Variants in ARF4 observed in about 807,000 individuals in gnomAD.
ARF4 encodes ADP-ribosylation factor 4.
Under a neutral mutation model 24.3 loss-of-function variants are expected in ARF4, and 5 were observed. The ratio of observed to expected loss-of-function variants is 0.21; its 90% CI spans 0.11 to 0.43. ARF4 has a LOEUF of 0.43. Ranked by LOEUF, ARF4 falls within the 20% of genes least tolerant of loss-of-function variation. The pLI is 1.00. For missense variants in ARF4, 107 were observed against 213.0 expected (o/e 0.50, Z 3.10); for synonymous variants, 62 against 73.5 (o/e 0.84, Z 0.80).
At chr3:57,583,376 C>A (rs752949977) in intron 3 of ARF4, among the ~76,000 whole-genome samples, 1 of 152,054 alleles carries the variant, frequency 6.6e-6, no homozygotes, top group African/African-American at 2.4e-5. Flanking sequence ...TACGTGCCAC[C>A]CCCAAATTTG....
intron 5 of ARF4, among the ~76,000 whole-genome samples, chr3:57,573,077 C>T (rs2069859568): frequency 6.6e-6 from 1 of 151,754 alleles, no homozygotes; most frequent in East Asian, 1.9e-4. Context: ...TGGTGGGCGC[C>T]TGTAGTCCCA....
intron 3 of ARF4, among the ~76,000 whole-genome samples, chr3:57,578,654 A>AT (rs879516546): frequency 2.4e-4 from 36 of 151,968 alleles, no homozygotes; most frequent in Middle Eastern, 3.4e-3. Flanking sequence ...TAATTTTTCT[A>AT]TTTTTTGTAG....
intron 5 of ARF4, among the ~76,000 whole-genome samples, chr3:57,574,368 GA>G (rs1320781647): frequency 7.9e-5 from 12 of 151,250 alleles, no homozygotes; most frequent in Non-Finnish European, 1.5e-4. Flanking sequence ...CTCCATCACT[GA>G]ATCACTGATC....
intron 5 of ARF4, among the ~76,000 whole-genome samples, chr3:57,573,933 G>GTTTT (rs201397852): frequency 5.5e-5 from 8 of 146,544 alleles, no homozygotes; most frequent in Admixed American, 4.1e-4. Flanking sequence ...GCAATAGGTT[G>GTTTT]TTTTTTTTTG....
At chr3:57,584,737 C>A (rs899680600) in intron 1 of ARF4, among the ~76,000 whole-genome samples, 3 of 152,064 alleles carry the variant, frequency 2.0e-5, no homozygotes, top group African/African-American at 7.2e-5. Flanking sequence ...AGCTTTGCGA[C>A]AAACTAGTTG....
intron 1 of ARF4, among the ~76,000 whole-genome samples, chr3:57,595,030 G>C (rs1389327890): frequency 6.6e-6 from 1 of 152,164 alleles, no homozygotes; most frequent in African/African-American, 2.4e-5. Context: ...TAGCATGCCT[G>C]AGTAATAAAA....
intron 1 of ARF4, among the ~76,000 whole-genome samples, chr3:57,584,857 G>C (rs1256109201): frequency 1.3e-5 from 2 of 151,834 alleles, no homozygotes; most frequent in Non-Finnish European, 2.9e-5. Flanking sequence ...GCATTTTTTG[G>C]GGGGTGGAGG....
At chr3:57,580,288 T>C (rs1429509248) in intron 3 of ARF4, among the ~76,000 whole-genome samples, 1 of 152,160 alleles carries the variant, frequency 6.6e-6, no homozygotes, top group Non-Finnish European at 1.5e-5. Flanking sequence ...CACAGAGATA[T>C]AAAAGATCAT....
chr3:57,594,622 G>A (rs1441832908), intron 1 of ARF4, among the ~76,000 whole-genome samples: 1 of 152,150 alleles, frequency 6.6e-6, no homozygotes, highest in Non-Finnish European at 1.5e-5. Context: ...CTTCTCCATA[G>A]TAGTTTGGCA....
intron 3 of ARF4, among the ~76,000 whole-genome samples, chr3:57,579,573 C>T (rs1217252596): frequency 6.6e-6 from 1 of 152,076 alleles, no homozygotes; most frequent in Non-Finnish European, 1.5e-5. Flanking sequence ...CAGGTGTGAG[C>T]CACCGCGCCC....
chr3:57,592,808 C>A (rs1316759951), intron 1 of ARF4, among the ~76,000 whole-genome samples: 7 of 152,024 alleles, frequency 4.6e-5, no homozygotes. Context: ...TATGTTCAAC[C>A]AATAACCTGA....
intron 1 of ARF4, among the ~76,000 whole-genome samples, chr3:57,591,802 A>C (rs111557990): frequency 2.6e-5 from 4 of 152,320 alleles, no homozygotes; most frequent in African/African-American, 9.6e-5. Context: ...GCCAAGTGAA[A>C]AAAGCCAGAC....
At chr3:57,573,239 G>C (rs998984091) in intron 5 of ARF4, among the ~76,000 whole-genome samples, 21 of 151,514 alleles carry the variant, frequency 1.4e-4, no homozygotes, top group African/African-American at 5.1e-4. Context: ...AGTAGGGTTT[G>C]TTGATATTTT....
intron 1 of ARF4, among the ~76,000 whole-genome samples, chr3:57,586,225 G>C (rs1399143606): frequency 6.6e-6 from 1 of 151,936 alleles, no homozygotes; most frequent in Non-Finnish European, 1.5e-5. Flanking sequence ...TGGCCGCCTG[G>C]GTTTATCTTA....
At chr3:57,592,410 C>G (rs2070126727) in intron 1 of ARF4, among the ~76,000 whole-genome samples, 1 of 152,042 alleles carries the variant, frequency 6.6e-6, no homozygotes, top group African/African-American at 2.4e-5. Context: ...ATTGCTTGAA[C>G]CCAGGAGGCG....
Position 57,579,233 on chromosome 3 carries a change from GAC to G in ARF4, c.259-1848_259-1847del, listed in dbSNP as rs746234815. Among the ~76,000 whole-genome samples the G allele has an allele frequency of 3.7e-5, 3 of 81,128 alleles. No individual in the cohort carries two copies. In the Admixed American group the frequency reaches 6.4e-4, roughly 17 times the overall value. The allele number at this position is 81,128 out of a possible 152,430, so 53.2% of individuals were successfully genotyped here. On this transcript the variant is annotated intron_variant, in intron 3 of 5. Transcript: ENST00000303436. Reference sequence around the variant, plus strand: ...GGCGCCATTGCACTCCAGCCTGGGCGACAAGAGCAAACTACATCTCAAAAAAA... The same window carrying G: ...GGCGCCATTGCACTCCAGCCTGGGCGAAGAGCAAACTACATCTCAAAAAAA...
intron 1 of ARF4, among the ~76,000 whole-genome samples, chr3:57,591,471 CT>C (rs368262212): frequency 7.9e-4 from 112 of 142,034 alleles, no homozygotes; most frequent in Middle Eastern, 3.5e-3. Flanking sequence ...CTTTTCTTTT[CT>C]TTTTTTTTTT....
At chr3:57,584,139 C>T in intron 2 of ARF4, 132 bp from the exon 3 acceptor site, 1 of 735,408 alleles carries the variant, frequency 1.4e-6, no homozygotes, top group South Asian at 1.9e-5. Context: ...TAAGCCTAAA[C>T]ATCAACAGAG....
chr3:57,584,911 G>T (rs112172702), intron 1 of ARF4, among the ~76,000 whole-genome samples: 4 of 152,198 alleles, frequency 2.6e-5, no homozygotes, highest in African/African-American at 9.6e-5. Flanking sequence ...TTGTCCAGGC[G>T]GGAGTGAAGT....
Sources: gnomAD v4.1 joint callset for allele counts (sites outside exome capture counted in the v4.1 genomes callset) on GRCh38, gnomAD v4.1.1 for gene constraint, MANE v1.5 for transcripts, NCBI Gene and HGNC (gene_info 2026-07-23, HGNC 2026-07-21) for gene names.